The following SLC5A2 variants were observed in gnomAD, a reference collection of about 807,000 sequenced individuals.
The protein encoded by SLC5A2 is solute carrier family 5 member 2.
In SLC5A2, 67 loss-of-function variants were observed where a neutral mutation model predicts 69.0. The ratio of observed to expected loss-of-function variants is 0.97; its 90% confidence interval spans 0.80 to 1.19. SLC5A2 has a LOEUF of 1.19. Among genes scored for constraint, SLC5A2 ranks in the 50% most tolerant of loss-of-function variants. The pLI, the probability that SLC5A2 is intolerant of heterozygous loss-of-function variation, is 0.00. For synonymous variants in SLC5A2, 455 were observed against 395.8 expected, an observed-to-expected ratio of 1.15 and a Z score of -1.78; for missense variants, 1,001 against 921.5, an observed-to-expected ratio of 1.09 and a Z score of -1.12.
chr16:31,489,655 G>A, intron 12 of SLC5A2: 1 of 509,392 alleles, frequency 2.0e-6, no homozygotes, highest in Non-Finnish European at 3.6e-6. Context: ...AAAAGGTTTG[G>A]TTTTGTTGCC....
rs1235349055 is a variant in SLC5A2 at position 31,488,455 on chromosome 16, C to A, written c.1094C>A (p.Ala365Asp). 6.2e-7 allele frequency: 1 copy of A among 1,611,002 alleles called. No homozygotes were observed. Among genetic ancestry groups the A allele is most frequent in the South Asian group, 1.1e-5 (1 of 90,724 alleles). Residue 365 changes from alanine to aspartate, a missense_variant, in exon 9 of 14, where the codon GCC becomes GAC. Coordinates refer to ENST00000330498, the MANE Select transcript of SLC5A2 (RefSeq NM_003041.4). ...CGTEVGCSNIAYPRLVVKLMP... is the reference protein window; with the variant it reads ...CGTEVGCSNIDYPRLVVKLMP... The stretch of plus-strand genomic sequence containing the variant: ...ACGGAGGTGGGCTGCTCCAACATCG[C>A]CTACCCGCGGCTCGTCGTGAAGCTC...
chr16:31,487,872 G>C, intron 7 of SLC5A2, 113 bp downstream of exon 7: 1 of 1,386,712 alleles, frequency 7.2e-7, no homozygotes, highest in Non-Finnish European at 9.8e-7. Context: ...TGAGGGGCGG[G>C]AACCCCTCGG....
chr16:31,488,294 C>A, intron 8 of SLC5A2, 89 bp from the exon 9 acceptor site: 1 of 1,597,662 alleles, frequency 6.3e-7, no homozygotes, highest in Non-Finnish European at 8.6e-7. Flanking sequence ...GGGGGTCGCA[C>A]GCCTCCTCTG....
intron 12 of SLC5A2, 111 bp from the exon 13 acceptor site, chr16:31,489,993 A>C (rs2082546958): frequency 7.0e-7 from 1 of 1,436,656 alleles, no homozygotes; most frequent in Middle Eastern, 2.4e-4. Context: ...GGGTGTGTAG[A>C]CTGGACAGAG....
rs1404455779 is a variant in SLC5A2 at position 31,484,812 on chromosome 16, C to T, written c.199-7C>T. 2 of 1,612,718 alleles carry T rather than the reference C, an allele frequency of 1.2e-6. No homozygotes were observed. The highest frequency in any genetic ancestry group is 1.7e-5 in the Admixed American group (1 of 60,014). On this transcript the variant is annotated splice_polypyrimidine_tract_variant and splice_region_variant and intron_variant, in intron 2 of 13. Coordinates refer to ENST00000330498, the MANE Select transcript of SLC5A2 (RefSeq NM_003041.4). ...AGCCCTGCTCACTCCCTCCTCTGGCCACCCAGGTTGGGGCCTCTCTCTTCG... is the reference window on the plus strand; with the variant it reads ...AGCCCTGCTCACTCCCTCCTCTGGCTACCCAGGTTGGGGCCTCTCTCTTCG...
At chr16:31,489,091 A>C in intron 11 of SLC5A2, 32 bp from the exon 12 acceptor site, 1 of 1,604,346 alleles carries the variant, frequency 6.2e-7, no homozygotes, top group Non-Finnish European at 8.5e-7. Context: ...GGGCTTGCAC[A>C]TCCTCAGCAG....
chr16:31,487,907 C>T (rs1596619449), intron 7 of SLC5A2, 131 bp from the exon 8 acceptor site: 2 of 1,437,440 alleles, frequency 1.4e-6, no homozygotes, highest in East Asian at 4.8e-5. Context: ...AGACAGAAGG[C>T]TCCATCTACT....
rs1487184145 is a variant in SLC5A2 at position 31,487,375 on chromosome 16, G to T, written c.630G>T (p.Gly210=). The change falls in exon 6 of 14, where the codon GGG becomes GGT. Residue 210 remains glycine, a synonymous_variant. Coordinates refer to ENST00000330498, the MANE Select transcript of SLC5A2 (RefSeq NM_003041.4). ...CGGTACAGACCTTCGTCATTCTGGG[G>T]GGCGCCTGCATCCTCATGGGTTACG... is the stretch of plus-strand genomic sequence containing the variant. ...TDTVQTFVIL[G]GACILMGYAF... 6.2e-7 allele frequency: 1 copy of T among 1,613,938 alleles called. No individual in the cohort carries two copies. Among genetic ancestry groups the T allele is most frequent in the African/African-American group, 1.3e-5 (1 of 75,054 alleles).
intron 3 of SLC5A2, 112 bp from the exon 4 acceptor site, chr16:31,485,617 C>T (rs1567387942): frequency 7.4e-7 from 1 of 1,353,160 alleles, no homozygotes. Context: ...CCTCTGGGCC[C>T]CAGATGTGGC....
chr16:31,490,058 T>C (rs1567392466), intron 12 of SLC5A2, 46 bp from the exon 13 acceptor site: 2 of 1,611,000 alleles, frequency 1.2e-6, no homozygotes, highest in South Asian at 1.1e-5. Context: ...GGGCCAGGCA[T>C]GGGGGGACAG....
chr16:31,487,675 G>A lies in SLC5A2; in HGVS notation c.801G>A (p.Arg267=). 1 of 1,613,594 alleles carries A rather than the reference G, an allele frequency of 6.2e-7. No homozygotes were observed. ...RPRPDSYHLL[R]HPVTGDLPWP... ...GGCCCGACTCCTACCACCTGCTCCG[G>A]CACCCCGTGACCGGGGATCTGCCGT... is the stretch of plus-strand genomic sequence containing the variant. Residue 267 remains arginine, a synonymous_variant, in exon 7 of 14, where the codon CGG becomes CGA. Transcript: ENST00000330498.
Position 31,487,306 on chromosome 16 carries a change from C to G in SLC5A2, c.575-14C>G, listed in dbSNP as rs1444068618. On this transcript the variant is annotated splice_polypyrimidine_tract_variant and intron_variant, in intron 5 of 13. Coordinates refer to ENST00000330498, the MANE Select transcript of SLC5A2 (RefSeq NM_003041.4). ...TAAACAGCTGGGCTGTCCCCTGACC[C>G]CGGCCTGTTGCAGGAGGGCTGGCCG... The G allele has an allele frequency of 2.5e-6, 4 of 1,613,764 alleles. No individual in the cohort carries two copies. Among genetic ancestry groups the G allele is most frequent in the Non-Finnish European group, 3.4e-6 (4 of 1,179,942 alleles).
intron 5 of SLC5A2, 132 bp from the exon 6 acceptor site, chr16:31,487,188 G>C: frequency 2.2e-6 from 2 of 921,356 alleles, no homozygotes; most frequent in Non-Finnish European, 3.5e-6. Flanking sequence ...TGAGCCCCGA[G>C]AACAGGCTAT....
Position 31,488,007 on chromosome 16 carries a change from GCAAGCGGGCAGCT to G in SLC5A2, c.886-30_886-18del. The G allele has an allele frequency of 6.2e-7, 1 of 1,609,430 alleles. No individual in the cohort carries two copies. Among genetic ancestry groups the G allele is most frequent in the South Asian group, 1.1e-5 (1 of 91,034 alleles). On this transcript the variant is annotated intron_variant, in intron 7 of 13. Transcript: ENST00000330498. ...GCGGGGCGGGGCCGAGGGGAGGCCCGCAAGCGGGCAGCTGAACGCCCCTCCCGTAGGTCATCGT... is the reference window on the plus strand; with the variant it reads ...GCGGGGCGGGGCCGAGGGGAGGCCCGGAACGCCCCTCCCGTAGGTCATCGT...
rs2082494448 is a variant in SLC5A2 at position 31,486,230 on chromosome 16, TC to T, written c.531del (p.Val178SerfsTer9). On this transcript the variant is annotated frameshift_variant, in exon 5 of 14. Transcript: ENST00000330498. LOFTEE classifies it high-confidence loss of function. ...QQALGWNIYASVIALLGITMI... is the reference protein window; with the variant it reads ...QQALGWNIYAXVIALLGITMI... ...GGCTCTGGGCTGGAACATCTATGCC[TC>T]CGTCATCGCGCTTCTGGGCATCACC... 1 of 1,613,872 alleles carries T rather than the reference TC, an allele frequency of 6.2e-7. No individual in the cohort carries two copies. The highest frequency in any genetic ancestry group is 8.5e-7 in the Non-Finnish European group (1 of 1,179,972).
Position 31,490,223 on chromosome 16 carries a change from G to A in SLC5A2, c.1785G>A (p.Glu595=), listed in dbSNP as rs768049276. The part of the protein sequence containing the change: ...VQNGCPESAM[E]MNEPQAPAPS... ...ATGGGTGCCCAGAGAGTGCCATGGA[G>A]ATGAATGGTAGGGCACCATGCTGGG... Residue 595 remains glutamate, a synonymous_variant, in exon 13 of 14, where the codon GAG becomes GAA. Transcript: ENST00000330498. 22 of 1,614,064 alleles carry A rather than the reference G, an allele frequency of 1.4e-5. No homozygotes were observed. Among genetic ancestry groups the A allele is most frequent in the Middle Eastern group, 1.6e-4 (1 of 6,084 alleles).
At position 31,489,223 on chromosome 16, in the gene SLC5A2, G is replaced by T. The variant is rs754443312; in HGVS notation, c.1550G>T (p.Cys517Phe). ...GGCAGCTGTGTGCAGCCCTCGGCGT[G>T]CCCAGCTTTCCTCTGCGGCGTGCAC... ...GSGSCVQPSA[C>F]PAFLCGVHYL... The change falls in exon 12 of 14, where the codon TGC becomes TTC. Residue 517 changes from cysteine (C) to phenylalanine (F), a missense_variant. Transcript: ENST00000330498. The T allele has an allele frequency of 6.2e-7, 1 of 1,610,398 alleles. No homozygotes were observed. Among genetic ancestry groups the T allele is most frequent in the Non-Finnish European group, 8.5e-7 (1 of 1,180,014 alleles).
chr16:31,483,914 GAAAA>G (rs894279604), intron 1 of SLC5A2, among the ~76,000 whole-genome samples: 1 of 149,628 alleles, frequency 6.7e-6, no homozygotes, highest in Non-Finnish European at 1.5e-5. Context: ...AAAGAAAAAA[GAAAA>G]AAAAAGAAAG....
rs145716653 is a variant in SLC5A2, at chr16:31,490,464, G to T, written c.1948G>T (p.Ala650Ser). 1 of 1,613,894 alleles carries T rather than the reference G, an allele frequency of 6.2e-7. No homozygotes were observed. The highest frequency in any genetic ancestry group is 8.5e-7 in the Non-Finnish European group (1 of 1,180,014). ...GGACATCAGCGAGGACCCGAGCTGG[G>T]CCCGTGTGGTCAACCTCAATGCCCT... ...LEDISEDPSW[A>S]RVVNLNALLM... The change falls in exon 14 of 14, where the codon GCC becomes TCC. Residue 650 changes from alanine to serine, a missense_variant. Coordinates refer to ENST00000330498, the MANE Select transcript of SLC5A2 (RefSeq NM_003041.4).
Sources: allele counts gnomAD v4.1 joint callset (sites outside exome capture counted in the v4.1 genomes callset), GRCh38; gene constraint gnomAD v4.1.1; transcripts MANE v1.5; gene names NCBI Gene and HGNC (gene_info 2026-07-23, HGNC 2026-07-21).